ENTHD1: variants seen among roughly 807,000 people sequenced by gnomAD.
ENTHD1 encodes the protein ENTH domain containing 1.
A neutral mutation model predicts 39.1 loss-of-function variants in ENTHD1; 23 were observed. The observed-to-expected ratio is 0.59, with a 90% CI of 0.42 to 0.83. The LOEUF (loss-of-function observed/expected upper bound fraction) is 0.83, where lower values mean the gene tolerates loss of function less well. Among genes scored for constraint, ENTHD1 ranks in the 40% least tolerant of loss-of-function variants. The probability of loss-of-function intolerance (pLI) is 0.00; values close to 1 mark genes in which losing one functional copy is unlikely to be tolerated. For synonymous variants in ENTHD1, 230 were observed against 258.2 expected (o/e 0.89, Z 1.05); for missense variants, 624 against 705.4 (o/e 0.88, Z 1.31).
chr22:39,805,461 T>C (rs2065633058), intron 5 of ENTHD1, among the ~76,000 whole-genome samples: 1 of 152,186 alleles, frequency 6.6e-6, no homozygotes, highest in Non-Finnish European at 1.5e-5. Flanking sequence ...GTTGGGGACA[T>C]GGAAGATGCA....
chr22:39,786,202 T>A (rs2065456544), intron 5 of ENTHD1, among the ~76,000 whole-genome samples: 1 of 152,208 alleles, frequency 6.6e-6, no homozygotes, highest in African/African-American at 2.4e-5. Flanking sequence ...TTTCTCCCCC[T>A]AGCTCACAGA....
chr22:39,818,547 C>T (rs1468703326), intron 5 of ENTHD1, among the ~76,000 whole-genome samples: 1 of 152,170 alleles, frequency 6.6e-6, no homozygotes, highest in African/African-American at 2.4e-5. Context: ...TGATGAAGCC[C>T]ATAGTCTGGC....
Position 39,850,257 on chromosome 22 carries a change from T to C in ENTHD1, c.592+11508A>G, listed in dbSNP as rs77908073. On this transcript the variant is annotated intron_variant, in intron 3 of 6. Transcript: ENST00000325157. ...TTTATATACTTTGAAGTTATTTTAC[T>C]GGGTATATTCACATTTAGAAATACT... 2.8e-3 allele frequency among the ~76,000 whole-genome samples: 433 copies of C among 152,342 alleles called. 3 individuals are homozygous for C. Among genetic ancestry groups the C allele is most frequent in the African/African-American group, 0.01 (418 of 41,598 alleles).
Position 39,813,026 on chromosome 22 carries a change from G to A in ENTHD1, c.832+7967C>T, listed in dbSNP as rs141295058. ...TTGAACTCCTGACCTCAAGTGAGCCGCCAACCTCAGCCTCCCAAAGTGCTG... is the reference window on the plus strand; with the variant it reads ...TTGAACTCCTGACCTCAAGTGAGCCACCAACCTCAGCCTCCCAAAGTGCTG... On this transcript the variant is annotated intron_variant, in intron 5 of 6. Transcript: ENST00000325157. 2.0e-3 allele frequency among the ~76,000 whole-genome samples: 304 copies of A among 152,166 alleles called. 1 individual carries two copies. The highest frequency in any genetic ancestry group is 6.8e-3 in the African/African-American group (284 of 41,506).
At chr22:39,762,246 A>G (rs565356125) in intron 6 of ENTHD1, among the ~76,000 whole-genome samples, 46 of 152,220 alleles carry the variant, frequency 3.0e-4, no homozygotes, top group Admixed American at 2.6e-3. Context: ...ATACACAAAT[A>G]ATGAGGTTTG....
At chr22:39,842,209 T>C (rs1376520253) in intron 3 of ENTHD1, among the ~76,000 whole-genome samples, 1 of 151,670 alleles carries the variant, frequency 6.6e-6, no homozygotes, top group Non-Finnish European at 1.5e-5. Context: ...CTGACAATTA[T>C]GTGTCTTGGA....
chr22:39,878,786 TTTC>T (rs1417776299), intron 2 of ENTHD1, among the ~76,000 whole-genome samples: 1 of 152,030 alleles, frequency 6.6e-6, no homozygotes, highest in Admixed American at 6.6e-5. Flanking sequence ...AAATAAAAAC[TTTC>T]TTATTATTTA....
chr22:39,826,849 TAAA>T (rs113990842), intron 4 of ENTHD1, among the ~76,000 whole-genome samples: 1 of 137,502 alleles, frequency 7.3e-6, no homozygotes, highest in Admixed American at 7.3e-5. Flanking sequence ...AATAGTCTGT[TAAA>T]AAAAAAAAAA....
chr22:39,873,880 G>T (rs2066264784), intron 2 of ENTHD1, among the ~76,000 whole-genome samples: 1 of 152,136 alleles, frequency 6.6e-6, no homozygotes, highest in African/African-American at 2.4e-5. Flanking sequence ...GGTAAAAAAG[G>T]CATTAACCAT....
At chr22:39,823,474 A>T (rs141954455) in intron 4 of ENTHD1, among the ~76,000 whole-genome samples, 89 of 152,288 alleles carry the variant, frequency 5.8e-4, no homozygotes, top group African/African-American at 2.0e-3. Context: ...CCTCCCAAGT[A>T]GCTGGGACTA....
chr22:39,814,265 C>T (rs1038079758), intron 5 of ENTHD1, among the ~76,000 whole-genome samples: 5 of 144,958 alleles, frequency 3.4e-5, no homozygotes, highest in African/African-American at 1.3e-4. Flanking sequence ...TCGAGACCAG[C>T]CTAGGCAACA....
chr22:39,887,986 T>C, intron 1 of ENTHD1, 83 bp from the exon 2 acceptor site: 1 of 405,422 alleles, frequency 2.5e-6, no homozygotes, highest in Non-Finnish European at 4.4e-6. Context: ...ATCTAGGTTT[T>C]GTTTCTAAAT....
chr22:39,853,513 A>C (rs1379326246), intron 3 of ENTHD1, among the ~76,000 whole-genome samples: 1 of 152,176 alleles, frequency 6.6e-6, no homozygotes, highest in Non-Finnish European at 1.5e-5. Context: ...CCTGGGCGAC[A>C]GAGTGAGACT....
At chr22:39,891,601 C>G (rs2066427413) in intron 1 of ENTHD1, among the ~76,000 whole-genome samples, 1 of 151,328 alleles carries the variant, frequency 6.6e-6, no homozygotes, top group African/African-American at 2.4e-5. Context: ...ACCACCAAGC[C>G]TAACTAATTA....
intron 5 of ENTHD1, among the ~76,000 whole-genome samples, chr22:39,776,592 T>C (rs2065367091): frequency 6.6e-6 from 1 of 152,226 alleles, no homozygotes; most frequent in Non-Finnish European, 1.5e-5. Flanking sequence ...GACAGTTATC[T>C]TTTAGGTATC....
intron 5 of ENTHD1, among the ~76,000 whole-genome samples, chr22:39,786,069 T>A (rs1310059689): frequency 6.6e-6 from 1 of 152,154 alleles, no homozygotes; most frequent in South Asian, 2.1e-4. Flanking sequence ...GCCCATAGTA[T>A]TCCTTCCCTT....
At chr22:39,871,991 C>T (rs1163391406) in intron 2 of ENTHD1, among the ~76,000 whole-genome samples, 1 of 152,174 alleles carries the variant, frequency 6.6e-6, no homozygotes, top group East Asian at 1.9e-4. Flanking sequence ...ATTAACCCAC[C>T]AACCATGAGT....
intron 6 of ENTHD1, among the ~76,000 whole-genome samples, chr22:39,746,069 T>C (rs2065102347): frequency 6.6e-6 from 1 of 152,190 alleles, no homozygotes; most frequent in South Asian, 2.1e-4. Context: ...CCCCAGAAAA[T>C]TATTCTAAAT....
chr22:39,850,613 C>T (rs1314181971), intron 3 of ENTHD1, among the ~76,000 whole-genome samples: 1 of 151,586 alleles, frequency 6.6e-6, no homozygotes, highest in Non-Finnish European at 1.5e-5. Flanking sequence ...GCTTTTTGCC[C>T]TTTATAAAAT....
Sources: allele counts gnomAD v4.1 joint callset (sites outside exome capture counted in the v4.1 genomes callset), GRCh38; gene constraint gnomAD v4.1.1; transcripts MANE v1.5; gene names NCBI Gene and HGNC (gene_info 2026-07-23, HGNC 2026-07-21).